The following VTCN1 variants were observed in gnomAD, a reference collection of about 807,000 sequenced individuals.
The protein encoded by VTCN1 is V-set domain containing T cell activation inhibitor 1, also known as V-set domain-containing T-cell activation inhibitor 1.
VTCN1 carries 26 observed loss-of-function variants against 26.5 expected under a neutral mutation model. The ratio of observed to expected loss-of-function variants is 0.98; its 90% confidence interval spans 0.72 to 1.36. The LOEUF (loss-of-function observed/expected upper bound fraction) is 1.36. VTCN1 is among the 40% of genes most tolerant of loss of function. The pLI, the probability that VTCN1 is intolerant of heterozygous loss-of-function variation, is 0.00. For missense variants in VTCN1, 298 were observed against 337.7 expected, an observed-to-expected ratio of 0.88 and a Z score of 0.92; for synonymous variants, 116 against 130.7, an observed-to-expected ratio of 0.89 and a Z score of 0.77.
intron 1 of VTCN1, among the ~76,000 whole-genome samples, chr1:117,185,085 G>A (rs116147611): frequency 0.015 from 2,311 of 152,202 alleles, 53 homozygotes; most frequent in African/African-American, 0.053. Flanking sequence ...AACTAGCACC[G>A]TTAGTTTTAT....
intron 1 of VTCN1, among the ~76,000 whole-genome samples, chr1:117,184,005 T>A (rs1270551701): frequency 6.6e-6 from 1 of 152,160 alleles, no homozygotes; most frequent in Non-Finnish European, 1.5e-5. Context: ...AAGGGGCCAT[T>A]CAAGCTGGGG....
intron 1 of VTCN1, among the ~76,000 whole-genome samples, chr1:117,190,350 T>C (rs1648185251): frequency 6.6e-6 from 1 of 152,182 alleles, no homozygotes; most frequent in Non-Finnish European, 1.5e-5. Context: ...TGCCCATCCA[T>C]GTCTGCAGAG....
intron 1 of VTCN1, among the ~76,000 whole-genome samples, chr1:117,189,686 C>T (rs552280444): frequency 9.2e-5 from 14 of 152,148 alleles, no homozygotes; most frequent in Non-Finnish European, 1.6e-4. Flanking sequence ...TTATCGATAG[C>T]TAGGTAAATG....
chr1:117,178,922 C>T (rs1647526843), intron 1 of VTCN1, among the ~76,000 whole-genome samples: 1 of 152,032 alleles, frequency 6.6e-6, no homozygotes, highest in African/African-American at 2.4e-5. Context: ...CACGTGGGCC[C>T]TGTGTATTCC....
chr1:117,182,122 C>A (rs1214369472), intron 1 of VTCN1, among the ~76,000 whole-genome samples: 1 of 152,094 alleles, frequency 6.6e-6, no homozygotes, highest in African/African-American at 2.4e-5. Flanking sequence ...CGTCTATTGC[C>A]CTCAGAGCTT....
At position 117,170,183 on chromosome 1, in the gene VTCN1, G is replaced by A; in HGVS notation, c.33-12C>T. The A allele has an allele frequency of 6.2e-7, 1 of 1,612,942 alleles. No individual in the cohort carries two copies. Among genetic ancestry groups the A allele is most frequent in the African/African-American group, 1.3e-5 (1 of 75,058 alleles). On this transcript the variant is annotated splice_polypyrimidine_tract_variant and intron_variant, in intron 1 of 5. Transcript: ENST00000369458. ...TGATGCTAATTATGCTACGGGAAGA[G>A]AGAGAGAAACAGAAAATTAGTTCTC...
rs567863695 is a variant in VTCN1 at position 117,159,494 on chromosome 1, C to T, written c.98-2573G>A. ...CTCCCACCAGGTCCCTCCCACAACA[C>T]ATGGGAATTATGGGAGTATAATTTA... On this transcript the variant is annotated intron_variant, in intron 2 of 5. Coordinates refer to ENST00000369458, the MANE Select transcript of VTCN1 (RefSeq NM_024626.4). The surrounding 1 kb of genome is among the most constrained non-coding windows in gnomAD (Gnocchi z 4.7). Among the ~76,000 whole-genome samples the T allele has an allele frequency of 1.2e-3, 188 of 152,338 alleles. 1 individual carries two copies. Among genetic ancestry groups the T allele is most frequent in the African/African-American group, 4.2e-3 (174 of 41,568 alleles).
At chr1:117,179,381 C>T (rs1236575875) in intron 1 of VTCN1, among the ~76,000 whole-genome samples, 1 of 152,070 alleles carries the variant, frequency 6.6e-6, no homozygotes, top group East Asian at 1.9e-4. Context: ...GTTGAGGGAA[C>T]TAGGGTGGTT....
intron 1 of VTCN1, among the ~76,000 whole-genome samples, chr1:117,209,415 C>T (rs985426539): frequency 4.6e-5 from 7 of 152,098 alleles, no homozygotes; most frequent in African/African-American, 1.7e-4. Context: ...GGAGCAGGGG[C>T]AAGGGTGGCA....
intron 1 of VTCN1, among the ~76,000 whole-genome samples, chr1:117,179,621 G>A (rs915940144): frequency 3.3e-5 from 5 of 152,160 alleles, no homozygotes; most frequent in African/African-American, 1.2e-4. Context: ...GGTGGGAAAA[G>A]TTTCTAGTAC....
At chr1:117,174,629 T>TATCTTTAGTAGAGACA (rs1647220501) in intron 1 of VTCN1, among the ~76,000 whole-genome samples, 1 of 152,044 alleles carries the variant, frequency 6.6e-6, no homozygotes, top group Admixed American at 6.6e-5. Flanking sequence ...TAGCTGGGCG[T>TATCTTTAGTAGAGACA]GGTGGCAAGT....
chr1:117,161,410 A>T lies in VTCN1; in HGVS notation c.98-4489T>A, dbSNP rs1029686692. On this transcript the variant is annotated intron_variant, in intron 2 of 5. Transcript: ENST00000369458. This position sits in a 1 kb window ranked among gnomAD's most constrained non-coding sequence, Gnocchi z 4.3. ...CATGAAATCCTCTTTTAATTCACCA[A>T]AGGAAAAATTAGTAGATTCTCTCTT... is the stretch of plus-strand genomic sequence containing the variant. 3.9e-5 allele frequency among the ~76,000 whole-genome samples: 6 copies of T among 152,112 alleles called. No homozygotes were observed. The highest frequency in any genetic ancestry group is 1.4e-4 in the African/African-American group (6 of 41,420).
rs932420582 is a variant in VTCN1, at chr1:117,203,826, C to T, written c.32+6998G>A. 3 of 975,180 alleles carry T rather than the reference C, an allele frequency of 3.1e-6. No homozygotes were observed. The African/African-American group carries it at 5.3e-5, about 17-fold the overall frequency. 60.4% of individuals were successfully genotyped at this position (975,180 alleles called of 1,614,324 possible). ...ATCACCTGGAGGTCTTGTTACGCCA[C>T]AGATTACCAGGCCCTGCCCCCAGAA... On this transcript the variant is annotated intron_variant, in intron 1 of 5. Transcript: ENST00000369458.
At position 117,156,624 on chromosome 1, in the gene VTCN1, A is replaced by G; in HGVS notation, c.395T>C (p.Ile132Thr). Residue 132 changes from isoleucine (I) to threonine (T), a missense_variant, in exon 3 of 6, where the codon ATC becomes ACC. By Grantham distance (89) the Ile-to-Thr change is moderately conservative (BLOSUM62 -1). Coordinates refer to ENST00000369458, the MANE Select transcript of VTCN1 (RefSeq NM_024626.4). ...LTDAGTYKCY[I>T]ITSKGKGNAN... ...ATTCCCCTTGCCTTTAGAAGTGATGATATAACATTTGTAGGTGCCAGCATC... is the reference window on the plus strand; with the variant it reads ...ATTCCCCTTGCCTTTAGAAGTGATGGTATAACATTTGTAGGTGCCAGCATC... The G allele has an allele frequency of 6.2e-7, 1 of 1,613,384 alleles. No individual in the cohort carries two copies. The highest frequency in any genetic ancestry group is 8.5e-7 in the Non-Finnish European group (1 of 1,179,696).
chr1:117,173,052 A>T, intron 1 of VTCN1: 1 of 664,908 alleles, frequency 1.5e-6, no homozygotes, highest in Non-Finnish European at 2.8e-6. Flanking sequence ...CACTACCTTT[A>T]TGAGCTGTAA....
At chr1:117,160,358 G>T (rs1230079497) in intron 2 of VTCN1, among the ~76,000 whole-genome samples, 1 of 152,094 alleles carries the variant, frequency 6.6e-6, no homozygotes, top group African/African-American at 2.4e-5. Context: ...CTTCCTAACT[G>T]GACTTATCAG....
chr1:117,205,187 G>T (rs906844673), intron 1 of VTCN1, among the ~76,000 whole-genome samples: 2 of 144,562 alleles, frequency 1.4e-5, no homozygotes, highest in Admixed American at 7.0e-5. Flanking sequence ...GGGGGGTCTC[G>T]CTCTATTACC....
chr1:117,209,230 C>A (rs545910097), intron 1 of VTCN1, among the ~76,000 whole-genome samples: 29 of 152,278 alleles, frequency 1.9e-4, no homozygotes, highest in Admixed American at 1.1e-3. Flanking sequence ...TTTTGAACAC[C>A]CACCTCCTGC....
At position 117,183,051 on chromosome 1, in the gene VTCN1, T is replaced by C. The variant is rs1374405364; in HGVS notation, c.33-12880A>G. Among the ~76,000 whole-genome samples, 1 of 152,218 alleles carries C rather than the reference T, an allele frequency of 6.6e-6. No individual in the cohort carries two copies. Among genetic ancestry groups the C allele is most frequent in the African/African-American group, 2.4e-5 (1 of 41,462 alleles). ...ATAAGATTAAAATATAAAGTATTGATTTAAGCATAGAAAGCGAAGAAAGCA... is the reference window on the plus strand; with the variant it reads ...ATAAGATTAAAATATAAAGTATTGACTTAAGCATAGAAAGCGAAGAAAGCA... On this transcript the variant is annotated intron_variant, in intron 1 of 5. Coordinates refer to ENST00000369458, the MANE Select transcript of VTCN1 (RefSeq NM_024626.4). The surrounding 1 kb of genome is among the most constrained non-coding windows in gnomAD (Gnocchi z 4.1).
Sources: allele counts gnomAD v4.1 joint callset (sites outside exome capture counted in the v4.1 genomes callset), GRCh38; gene constraint gnomAD v4.1.1; non-coding constraint Gnocchi (gnomAD v3.1); transcripts MANE v1.5; gene names NCBI Gene and HGNC (gene_info 2026-07-23, HGNC 2026-07-21).